Variants in CHP1 observed in about 807,000 individuals in gnomAD.
CHP1 encodes calcineurin like EF-hand protein 1.
A neutral mutation model predicts 27.4 loss-of-function variants in CHP1; 11 were observed. The observed-to-expected ratio is 0.40, with a 90% CI of 0.25 to 0.67. The LOEUF is 0.67. Ranked by LOEUF, CHP1 falls within the 30% of genes least tolerant of loss-of-function variation. CHP1 has a pLI of 0.38. For missense variants in CHP1, 169 were observed against 251.3 expected, an observed-to-expected ratio of 0.67 and a Z score of 2.22; for synonymous variants, 89 against 87.4, an observed-to-expected ratio of 1.02 and a Z score of -0.10.
chr15:41,245,201 C>G (rs1414782784), intron 2 of CHP1, among the ~76,000 whole-genome samples: 1 of 152,194 alleles, frequency 6.6e-6, no homozygotes, highest in African/African-American at 2.4e-5. Flanking sequence ...TGGCTCATGC[C>G]TGTAATTCTA....
At chr15:41,278,341 A>AAG in intron 5 of CHP1, among the ~76,000 whole-genome samples, 1 of 151,874 alleles carries the variant, frequency 6.6e-6, no homozygotes. Context: ...TCAAAAAAAA[A>AAG]AAAAAAAAAG....
chr15:41,247,573 G>A (rs537603756), intron 2 of CHP1, among the ~76,000 whole-genome samples: 2 of 152,160 alleles, frequency 1.3e-5, no homozygotes, highest in African/African-American at 4.8e-5. Context: ...TTGGGAGGCT[G>A]AGGCAGGAGA....
intron 3 of CHP1, among the ~76,000 whole-genome samples, chr15:41,260,170 G>GTT (rs79684786): frequency 2.8e-5 from 4 of 141,742 alleles, no homozygotes; most frequent in Admixed American, 7.1e-5. Context: ...AAAGGCTGGG[G>GTT]TTTTTTTTTT....
intron 1 of CHP1, among the ~76,000 whole-genome samples, chr15:41,241,011 C>G (rs953946699): frequency 2.0e-5 from 3 of 152,064 alleles, no homozygotes; most frequent in Admixed American, 1.3e-4. Flanking sequence ...CGCCACCACA[C>G]CCAGCAGATT....
chr15:41,274,258 C>G (rs1410822915), intron 5 of CHP1, among the ~76,000 whole-genome samples: 1 of 152,078 alleles, frequency 6.6e-6, no homozygotes, highest in Non-Finnish European at 1.5e-5. Flanking sequence ...CGCACCTGGC[C>G]TAATAACTTT....
intron 2 of CHP1, among the ~76,000 whole-genome samples, chr15:41,244,744 G>T (rs1436685924): frequency 1.3e-5 from 2 of 152,162 alleles, no homozygotes; most frequent in Non-Finnish European, 2.9e-5. Context: ...TCAGAGTGAT[G>T]TAATGCTATA....
intron 1 of CHP1, among the ~76,000 whole-genome samples, chr15:41,237,607 G>T (rs2047283976): frequency 6.6e-6 from 1 of 152,356 alleles, no homozygotes; most frequent in Admixed American, 6.5e-5. Context: ...ATTCCGGGAA[G>T]CGCAGGCTTC....
At position 41,259,194 on chromosome 15, in the gene CHP1, C is replaced by T. The variant is rs146682253; in HGVS notation, c.221+2204C>T. On this transcript the variant is annotated intron_variant, in intron 3 of 6. Coordinates refer to ENST00000334660, the MANE Select transcript of CHP1 (RefSeq NM_007236.5). ...TTCACAGCTATGCTTTGTATCCAAA[C>T]CTTTTGCAATGAAAAGTAAACCCAG... Among the ~76,000 whole-genome samples, 163 of 152,294 alleles carry T rather than the reference C, an allele frequency of 1.1e-3. 2 individuals are homozygous for T. The highest frequency in any genetic ancestry group is 3.6e-3 in the African/African-American group (150 of 41,562).
At chr15:41,274,740 G>A (rs1040377229) in intron 5 of CHP1, among the ~76,000 whole-genome samples, 6 of 151,564 alleles carry the variant, frequency 4.0e-5, no homozygotes, top group Non-Finnish European at 5.9e-5. Flanking sequence ...AACACACAGG[G>A]AATGTGGCAA....
intron 5 of CHP1, among the ~76,000 whole-genome samples, chr15:41,277,420 A>G (rs568405448): frequency 6.6e-6 from 1 of 151,966 alleles, no homozygotes; most frequent in East Asian, 1.9e-4. Context: ...GCAGAGGGAG[A>G]ATTGCTTGAG....
chr15:41,250,504 T>G (rs2047360408), intron 2 of CHP1, among the ~76,000 whole-genome samples: 3 of 151,676 alleles, frequency 2.0e-5, no homozygotes, highest in Non-Finnish European at 2.9e-5. Flanking sequence ...GAGGCGGAGG[T>G]TGCAGTGAGC....
chr15:41,232,208 ATT>A (rs541011609), intron 1 of CHP1, among the ~76,000 whole-genome samples: 28,607 of 130,926 alleles, frequency 0.22, 2,606 homozygotes, highest in African/African-American at 0.36. Context: ...CTAGGAACTG[ATT>A]TTTTTTTTTT....
intron 4 of CHP1, among the ~76,000 whole-genome samples, chr15:41,265,258 G>A (rs2047454209): frequency 6.7e-6 from 1 of 149,976 alleles, no homozygotes; most frequent in African/African-American, 2.5e-5. Flanking sequence ...CAGCTACTCA[G>A]GAGGCTGAGG....
At chr15:41,263,005 T>C in intron 4 of CHP1, 122 bp downstream of exon 4, 1 of 1,302,478 alleles carries the variant, frequency 7.7e-7, no homozygotes, top group Non-Finnish European at 1.1e-6. Context: ...CCTCAGACTC[T>C]GGAGCTAAAC....
chr15:41,256,953 C>G lies in CHP1; in HGVS notation c.184C>G (p.Leu62Val). The G allele has an allele frequency of 6.2e-7, 1 of 1,614,152 alleles. No individual in the cohort carries two copies. Among genetic ancestry groups the G allele is most frequent in the Non-Finnish European group, 8.5e-7 (1 of 1,180,002 alleles). The change falls in exon 3 of 7, where the codon CTG becomes GTG. Residue 62 changes from leucine to valine, a missense_variant. By Grantham distance (32) the Leu-to-Val change is conservative. Coordinates refer to ENST00000334660, the MANE Select transcript of CHP1 (RefSeq NM_007236.5). Reference sequence around the variant, plus strand: ...GATTCCAGAACTTGCCATCAACCCACTGGGGGACCGGATCATCAATGCCTT... The same window carrying G: ...GATTCCAGAACTTGCCATCAACCCAGTGGGGGACCGGATCATCAATGCCTT... ...QRIPELAINP[L>V]GDRIINAFFP...
chr15:41,257,224 A>T (rs1359204217), intron 3 of CHP1, among the ~76,000 whole-genome samples: 1 of 152,214 alleles, frequency 6.6e-6, no homozygotes, highest in Non-Finnish European at 1.5e-5. Flanking sequence ...TTTATCATTG[A>T]TGTAAAACTA....
At chr15:41,277,610 A>T (rs2047525493) in intron 5 of CHP1, among the ~76,000 whole-genome samples, 1 of 152,164 alleles carries the variant, frequency 6.6e-6, no homozygotes, top group South Asian at 2.1e-4. Flanking sequence ...CAACATGGCG[A>T]AACCCCATCT....
chr15:41,263,756 T>C (rs1188364228), intron 4 of CHP1, among the ~76,000 whole-genome samples: 3 of 152,102 alleles, frequency 2.0e-5, no homozygotes, highest in Admixed American at 1.3e-4. Context: ...GCACCTGTGC[T>C]CCCAGGTACT....
At position 41,231,369 on chromosome 15, in the gene CHP1, C is replaced by G; in HGVS notation, c.-14C>G. 6.3e-7 allele frequency: 1 copy of G among 1,592,974 alleles called. No homozygotes were observed. Among genetic ancestry groups the G allele is most frequent in the African/African-American group, 1.3e-5 (1 of 74,904 alleles). On this transcript the variant is annotated 5_prime_UTR_variant, in exon 1 of 7. Transcript: ENST00000334660. ...TCTGGCGCCGCTGCTCCCGGAGGAGCTCCCGGCACGGCGATGGGTTCTCGG... is the reference window on the plus strand; with the variant it reads ...TCTGGCGCCGCTGCTCCCGGAGGAGGTCCCGGCACGGCGATGGGTTCTCGG...
Sources: allele counts gnomAD v4.1 joint callset (sites outside exome capture counted in the v4.1 genomes callset), GRCh38; gene constraint gnomAD v4.1.1; transcripts MANE v1.5; gene names NCBI Gene and HGNC (gene_info 2026-07-23, HGNC 2026-07-21).